Variants in CADM2 observed in about 807,000 individuals in gnomAD.
CADM2 encodes the protein cell adhesion molecule 2.
Under a neutral mutation model 49.8 loss-of-function variants are expected in CADM2, and 12 were observed. That is an observed-to-expected ratio of 0.24 (90% CI 0.15 to 0.39). CADM2 has a LOEUF of 0.39. CADM2 is among the 10% of genes least tolerant of loss of function. CADM2 has a pLI of 1.00. For synonymous variants in CADM2, 214 were observed against 175.4 expected (o/e 1.22, Z -1.74); for missense variants, 378 against 492.3 (o/e 0.77, Z 2.20).
chr3:85,158,330 C>A (rs1384836186), intron 1 of CADM2, among the ~76,000 whole-genome samples: 1 of 152,194 alleles, frequency 6.6e-6, no homozygotes, highest in Non-Finnish European at 1.5e-5. Context: ...ACCCAGCCAT[C>A]CCATTACTGG....
intron 1 of CADM2, among the ~76,000 whole-genome samples, chr3:85,071,814 T>A (rs1016727482): frequency 6.6e-6 from 1 of 152,052 alleles, no homozygotes; most frequent in East Asian, 1.9e-4. Context: ...GTGCATGATT[T>A]TTTTGTGAAA....
chr3:85,506,724 T>A (rs1053963013), intron 1 of CADM2, among the ~76,000 whole-genome samples: 1 of 152,144 alleles, frequency 6.6e-6, no homozygotes, highest in African/African-American at 2.4e-5. Flanking sequence ...CTCAGTCTGT[T>A]TGGCCTTTGT....
intron 1 of CADM2, among the ~76,000 whole-genome samples, chr3:84,965,469 A>G (rs947487919): frequency 2.0e-5 from 3 of 152,224 alleles, no homozygotes; most frequent in African/African-American, 7.2e-5. Context: ...GAGTATTTGT[A>G]ATCACATGAG....
intron 8 of CADM2, among the ~76,000 whole-genome samples, chr3:86,007,630 A>T (rs888530003): frequency 6.6e-6 from 1 of 152,184 alleles, no homozygotes; most frequent in Non-Finnish European, 1.5e-5. Flanking sequence ...AGACATGAGG[A>T]CTTTCTTGAA....
chr3:85,401,779 C>T (rs1382921438), intron 1 of CADM2, among the ~76,000 whole-genome samples: 1 of 152,030 alleles, frequency 6.6e-6, no homozygotes, highest in Admixed American at 6.6e-5. Flanking sequence ...CCACCCCCGC[C>T]AAAAGTAGCT....
At chr3:86,013,040 T>A in intron 8 of CADM2, 1 of 1,109,520 alleles carries the variant, frequency 9.0e-7, no homozygotes. Context: ...ATGAGACCTC[T>A]ATGATCTGTA....
At chr3:85,939,092 C>T (rs1449473356) in intron 7 of CADM2, among the ~76,000 whole-genome samples, 4 of 151,996 alleles carry the variant, frequency 2.6e-5, no homozygotes, top group African/African-American at 9.7e-5. Context: ...TGTTCCGAAC[C>T]TGCCCTTCTT....
chr3:85,987,840 C>T (rs1266998540), intron 8 of CADM2, among the ~76,000 whole-genome samples: 9 of 151,596 alleles, frequency 5.9e-5, no homozygotes, highest in Admixed American at 2.6e-4. Context: ...AAATGTATTT[C>T]TAGAACATCT....
chr3:85,958,949 G>T (rs951927288), intron 7 of CADM2, among the ~76,000 whole-genome samples: 1 of 151,434 alleles, frequency 6.6e-6, no homozygotes, highest in Non-Finnish European at 1.5e-5. Flanking sequence ...ATGGATGCAG[G>T]AAAACACCAT....
At chr3:85,971,556 T>C (rs1726141521) in intron 8 of CADM2, among the ~76,000 whole-genome samples, 2 of 151,736 alleles carry the variant, frequency 1.3e-5, no homozygotes, top group African/African-American at 2.4e-5. Context: ...TTTCTTTTAA[T>C]GGATGACAGT....
intron 1 of CADM2, among the ~76,000 whole-genome samples, chr3:85,299,088 T>G (rs2044033373): frequency 6.6e-6 from 1 of 152,084 alleles, no homozygotes; most frequent in Non-Finnish European, 1.5e-5. Flanking sequence ...ATTCATTATT[T>G]TTTAAAAATC....
chr3:85,325,219 G>T (rs1490422023), intron 1 of CADM2, among the ~76,000 whole-genome samples: 2 of 152,182 alleles, frequency 1.3e-5, no homozygotes, highest in African/African-American at 4.8e-5. Flanking sequence ...TAAAAGGAAA[G>T]AATTCCATTT....
intron 1 of CADM2, among the ~76,000 whole-genome samples, chr3:85,143,332 G>A (rs1343074048): frequency 6.6e-6 from 1 of 151,908 alleles, no homozygotes; most frequent in Non-Finnish European, 1.5e-5. Context: ...AAAATAAAAA[G>A]AAAAAATTAA....
intron 1 of CADM2, among the ~76,000 whole-genome samples, chr3:85,124,089 G>A (rs1575924170): frequency 2.0e-5 from 3 of 152,156 alleles, no homozygotes; most frequent in African/African-American, 7.2e-5. Flanking sequence ...CCCTGTGTTT[G>A]CTAATTGGGG....
At chr3:85,119,302 C>T (rs1052555514) in intron 1 of CADM2, among the ~76,000 whole-genome samples, 64 of 152,082 alleles carry the variant, frequency 4.2e-4, no homozygotes, top group East Asian at 1.9e-4. Context: ...CCAGCTACCC[C>T]GGAGCCTGAG....
intron 6 of CADM2, among the ~76,000 whole-genome samples, chr3:85,916,831 CTGT>C (rs1718402950): frequency 6.6e-6 from 1 of 152,200 alleles, no homozygotes; most frequent in East Asian, 1.9e-4. Context: ...TCTCCAGCAC[CTGT>C]TGTTTCCTGA....
chr3:85,375,359 A>G (rs2107334643), intron 1 of CADM2, among the ~76,000 whole-genome samples: 1 of 152,322 alleles, frequency 6.6e-6, no homozygotes, highest in African/African-American at 2.4e-5. Flanking sequence ...AGGAGCCTAA[A>G]CACAGACAAG....
chr3:85,007,502 A>G (rs1016039542), intron 1 of CADM2, among the ~76,000 whole-genome samples: 1 of 152,334 alleles, frequency 6.6e-6, no homozygotes, highest in South Asian at 2.1e-4. Context: ...TAATAAAGGC[A>G]TACAAAGAAA....
intron 1 of CADM2, among the ~76,000 whole-genome samples, chr3:85,044,354 A>G (rs1312064983): frequency 3.9e-5 from 6 of 152,172 alleles, no homozygotes; most frequent in Admixed American, 3.3e-4. Flanking sequence ...TGAGATTTAA[A>G]ATGCAATCCT....
Sources: allele counts gnomAD v4.1 joint callset (sites outside exome capture counted in the v4.1 genomes callset), GRCh38; gene constraint gnomAD v4.1.1; transcripts MANE v1.5; gene names NCBI Gene and HGNC (gene_info 2026-07-23, HGNC 2026-07-21).